MKX: variants seen among roughly 807,000 people sequenced by gnomAD.
The protein encoded by MKX is homeobox protein Mohawk.
Under a neutral mutation model 36.0 loss-of-function variants are expected in MKX, and 13 were observed. That is an observed-to-expected ratio of 0.36 (90% confidence interval 0.24 to 0.57). MKX has a LOEUF of 0.57. Among genes scored for constraint, MKX ranks in the 20% least tolerant of loss-of-function variants. The pLI, the probability that MKX is intolerant of heterozygous loss-of-function variation, is 0.79. For missense variants in MKX, 458 were observed against 456.4 expected (o/e 1.00, Z -0.03); for synonymous variants, 176 against 178.3 (o/e 0.99, Z 0.10).
At chr10:27,724,187 T>C (rs1023107171) in intron 5 of MKX, among the ~76,000 whole-genome samples, 2 of 152,136 alleles carry the variant, frequency 1.3e-5, no homozygotes, top group African/African-American at 4.8e-5. Flanking sequence ...ATTGTGTGTA[T>C]GTGTGTGTAA....
intron 5 of MKX, among the ~76,000 whole-genome samples, chr10:27,681,791 G>A (rs140715756): frequency 0.029 from 4,337 of 152,110 alleles, 205 homozygotes; most frequent in African/African-American, 0.099. Context: ...GCCTGGTGGC[G>A]GGTGCCTGTA....
chr10:27,697,712 C>T (rs1836580671), intron 5 of MKX, among the ~76,000 whole-genome samples: 1 of 152,212 alleles, frequency 6.6e-6, no homozygotes, highest in African/African-American at 2.4e-5. Context: ...ACACCAGGCA[C>T]TGTGACAGGC....
intron 5 of MKX, among the ~76,000 whole-genome samples, chr10:27,690,183 C>G (rs1045318307): frequency 3.3e-5 from 5 of 152,070 alleles, no homozygotes; most frequent in Non-Finnish European, 7.4e-5. Flanking sequence ...TCAGACTCAC[C>G]AACATGGTGA....
At position 27,741,496 on chromosome 10, in the gene MKX, T is replaced by C. The variant is rs1272849159; in HGVS notation, c.197A>G (p.Gln66Arg). The change falls in exon 3 of 7, where the codon CAG becomes CGG. Residue 66 changes from glutamine to arginine, a missense_variant. Around this residue, in one of 3 missense-constraint regions of MKX, gnomAD observed 149 missense variants for 114.3 expected, o/e 1.30. Transcript: ENST00000419761. The surrounding 1 kb of genome is among the most constrained non-coding windows in gnomAD (Gnocchi z 5.1). Reference protein sequence around the residue: ...GLRHRRTGARQNGGKVRHKRQ... With the variant: ...GLRHRRTGARRNGGKVRHKRQ... Reference sequence around the variant, plus strand: ...CTTGTGCCTCACCTTCCCGCCATTCTGCCGGGCGCTGGGACATGGGGAGAG... The same window carrying C: ...CTTGTGCCTCACCTTCCCGCCATTCCGCCGGGCGCTGGGACATGGGGAGAG... 6.3e-7 allele frequency: 1 copy of C among 1,592,626 alleles called. No homozygotes were observed. Among genetic ancestry groups the C allele is most frequent in the Non-Finnish European group, 8.5e-7 (1 of 1,171,830 alleles).
chr10:27,686,494 T>G (rs1836356860), intron 5 of MKX, among the ~76,000 whole-genome samples: 1 of 152,074 alleles, frequency 6.6e-6, no homozygotes, highest in Non-Finnish European at 1.5e-5. Context: ...TTTTCTTTCT[T>G]CTGAGACAGT....
intron 5 of MKX, among the ~76,000 whole-genome samples, chr10:27,723,667 C>T (rs1346329733): frequency 1.3e-5 from 2 of 152,190 alleles, no homozygotes; most frequent in Non-Finnish European, 2.9e-5. Flanking sequence ...AATTCTCTCC[C>T]TTGCCAGATA....
chr10:27,695,018 A>G (rs1836528899), intron 5 of MKX, among the ~76,000 whole-genome samples: 1 of 151,936 alleles, frequency 6.6e-6, no homozygotes, highest in Admixed American at 6.6e-5. Context: ...TAATTGTTAT[A>G]GCCCAGCCTT....
rs11015946 is a variant in MKX at position 27,689,900 on chromosome 10, C to T, written c.839-14346G>A. Among the ~76,000 whole-genome samples the T allele has an allele frequency of 0.015, 2,340 of 152,228 alleles. 153 individuals are homozygous for T. In the East Asian group the frequency reaches 0.2, roughly 13 times the overall value. On this transcript the variant is annotated intron_variant, in intron 5 of 6. Coordinates refer to ENST00000419761, the MANE Select transcript of MKX (RefSeq NM_173576.3). Reference sequence around the variant, plus strand: ...CCGGTTCTGGCTGAAGGAAGCCACACGTGGGTGAGTGGGGACAGCTCTTGC... The same window carrying T: ...CCGGTTCTGGCTGAAGGAAGCCACATGTGGGTGAGTGGGGACAGCTCTTGC...
In MKX at chr10:27,728,053, C is replaced by T. The variant is rs1476946192; in HGVS notation, c.838+6403G>A. Among the ~76,000 whole-genome samples the T allele has an allele frequency of 5.3e-5, 8 of 152,240 alleles. No individual in the cohort carries two copies. The South Asian group carries it at 1.7e-3, about 32-fold the overall frequency. ...TTTCAAATATCCTTTAAATGTCACT[C>T]GCTGGACTGGTGATAGAGGCTTTTA... On this transcript the variant is annotated intron_variant, in intron 5 of 6. Coordinates refer to ENST00000419761, the MANE Select transcript of MKX (RefSeq NM_173576.3).
At chr10:27,735,454 G>A (rs1200575238) in intron 3 of MKX, 80 bp from the exon 4 acceptor site, 4 of 1,106,480 alleles carry the variant, frequency 3.6e-6, no homozygotes, top group East Asian at 2.4e-5. Flanking sequence ...AAGGAGCTAA[G>A]CCTCTCTCAG....
At chr10:27,696,058 AT>A (rs1451304088) in intron 5 of MKX, among the ~76,000 whole-genome samples, 1 of 152,146 alleles carries the variant, frequency 6.6e-6, no homozygotes, top group African/African-American at 2.4e-5. Flanking sequence ...GTTGTTGCTT[AT>A]CTTGAATTAA....
rs758914357 is a variant in MKX at position 27,735,230 on chromosome 10, A to T, written c.493T>A (p.Cys165Ser). 9 of 1,578,214 alleles carry T rather than the reference A, an allele frequency of 5.7e-6. No homozygotes were observed. The highest frequency in any genetic ancestry group is 7.7e-6 in the Non-Finnish European group (9 of 1,163,956). The change falls in exon 4 of 7, where the codon TGT (cysteine) becomes AGT (serine). Residue 165 changes from cysteine (C) to serine (S), a missense_variant. Physicochemically the swap from Cys to Ser is moderately radical, Grantham distance 112. Around this residue, in one of 3 missense-constraint regions of MKX, gnomAD observed 297 missense variants for 304.4 expected, o/e 0.98. Transcript: ENST00000419761. ...ERLSVSSDDS[C>S]SEDGENPPRT... ...AAAAATATTAACAAACCTTCAGAAC[A>T]TGAGTCATCACTGCTTACGCTAAGC...
chr10:27,726,202 T>C (rs1219750452), intron 5 of MKX, among the ~76,000 whole-genome samples: 1 of 152,212 alleles, frequency 6.6e-6, no homozygotes, highest in African/African-American at 2.4e-5. Context: ...GGTAAACTTG[T>C]TCTTAACAGG....
intron 5 of MKX, among the ~76,000 whole-genome samples, chr10:27,720,567 G>T (rs1031133913): frequency 1.3e-5 from 2 of 152,124 alleles, no homozygotes; most frequent in African/African-American, 2.4e-5. Context: ...GCAGTTTGTT[G>T]TAAATGCAAT....
chr10:27,689,492 T>C (rs1323991354), intron 5 of MKX, among the ~76,000 whole-genome samples: 7 of 152,214 alleles, frequency 4.6e-5, no homozygotes, highest in African/African-American at 1.7e-4. Context: ...GGAACAGTAT[T>C]TAAAGCCTAA....
At chr10:27,713,813 G>A (rs568920152) in intron 5 of MKX, among the ~76,000 whole-genome samples, 1 of 151,892 alleles carries the variant, frequency 6.6e-6, no homozygotes, top group African/African-American at 2.4e-5. Flanking sequence ...CAATTCAACC[G>A]TGGATACCAT....
intron 5 of MKX, among the ~76,000 whole-genome samples, chr10:27,683,591 A>T (rs1836293166): frequency 2.6e-5 from 4 of 152,220 alleles, no homozygotes; most frequent in Admixed American, 2.6e-4. Context: ...ATCCAAAGCA[A>T]GTCAGAGCTC....
At chr10:27,684,773 G>T (rs1250668214) in intron 5 of MKX, among the ~76,000 whole-genome samples, 2 of 152,230 alleles carry the variant, frequency 1.3e-5, no homozygotes, top group Admixed American at 6.5e-5. Context: ...CCAGGGACTG[G>T]TTTCGTGGAA....
In MKX at chr10:27,709,577, G is replaced by A. The variant is rs530439349; in HGVS notation, c.838+24879C>T. On this transcript the variant is annotated intron_variant, in intron 5 of 6. Coordinates refer to ENST00000419761, the MANE Select transcript of MKX (RefSeq NM_173576.3). ...CAAGGGTGAGCTGATCTGAGGATGTGGCTCTGTTCCACATGTGTGAGTGGC... is the reference window on the plus strand; with the variant it reads ...CAAGGGTGAGCTGATCTGAGGATGTAGCTCTGTTCCACATGTGTGAGTGGC... Among the ~76,000 whole-genome samples, 80 of 152,294 alleles carry A rather than the reference G, an allele frequency of 5.3e-4. 1 individual carries two copies. The highest frequency in any genetic ancestry group is 1.8e-3 in the African/African-American group (74 of 41,552).
Sources: gnomAD v4.1 joint callset for allele counts (sites outside exome capture counted in the v4.1 genomes callset) on GRCh38, gnomAD v4.1.1 for gene constraint, gnomAD v4.1.1 regional missense constraint, Gnocchi (gnomAD v3.1) non-coding constraint, MANE v1.5 for transcripts, NCBI Gene and HGNC (gene_info 2026-07-23, HGNC 2026-07-21) for gene names.